Variants in RBFOX1 observed in about 807,000 individuals in gnomAD.
The protein encoded by RBFOX1 is RNA binding fox-1 homolog 1, also known as RNA binding protein fox-1 homolog 1.
In RBFOX1, 8 loss-of-function variants were observed where a neutral mutation model predicts 57.7. That is an observed-to-expected ratio of 0.14 (90% CI 0.08 to 0.25). The LOEUF is 0.25. RBFOX1 is among the 10% of genes least tolerant of loss of function. The pLI, the probability that RBFOX1 is intolerant of heterozygous loss-of-function variation, is 1.00. For synonymous variants in RBFOX1, 326 were observed against 222.4 expected (o/e 1.47, Z -4.15); for missense variants, 611 against 548.5 (o/e 1.11, Z -1.14).
rs1882584 is a variant in RBFOX1, at chr16:7,247,233, A to T, written c.27+195135A>T. ...TTGGTGAAGGAGAAGTGCAAGAGAA[A>T]CTTCTATTGTGCAAACGCCTTCAAG... is the stretch of plus-strand genomic sequence containing the variant. On this transcript the variant is annotated intron_variant, in intron 4 of 15. Transcript: ENST00000550418. Among the ~76,000 whole-genome samples the T allele has an allele frequency of 2.6e-3, 397 of 152,216 alleles. 4 individuals are homozygous for T. The highest frequency in any genetic ancestry group is 8.9e-3 in the African/African-American group (368 of 41,534).
At chr16:7,248,158 C>G (rs566773692) in intron 4 of RBFOX1, among the ~76,000 whole-genome samples, 5 of 152,262 alleles carry the variant, frequency 3.3e-5, no homozygotes, top group African/African-American at 1.2e-4. Flanking sequence ...CAGTTTTGAG[C>G]CTTGGTTTCT....
intron 1 of RBFOX1, among the ~76,000 whole-genome samples, chr16:6,062,162 G>A (rs550855682): frequency 1.3e-5 from 2 of 152,274 alleles, no homozygotes; most frequent in Admixed American, 1.3e-4. Context: ...GTCTCTGGGT[G>A]CATCACCTTC....
chr16:7,153,745 G>GGAAA (rs2076550563), intron 4 of RBFOX1, among the ~76,000 whole-genome samples: 1 of 129,840 alleles, frequency 7.7e-6, no homozygotes, highest in South Asian at 2.5e-4. Context: ...AAAAAAATAA[G>GGAAA]GAAAGAAAGA....
At chr16:7,523,644 C>G (rs931829334) in intron 5 of RBFOX1, among the ~76,000 whole-genome samples, 18 of 152,112 alleles carry the variant, frequency 1.2e-4, no homozygotes, top group Middle Eastern at 3.2e-3. Flanking sequence ...CCATTAGGGG[C>G]TGAAGCAGGT....
At chr16:7,412,075 T>C (rs543618089) in intron 4 of RBFOX1, among the ~76,000 whole-genome samples, 3 of 152,046 alleles carry the variant, frequency 2.0e-5, no homozygotes, top group South Asian at 4.1e-4. Context: ...CTGTAGTTAA[T>C]CGTGATGTAT....
chr16:6,072,919 C>T (rs1655303404), intron 1 of RBFOX1, among the ~76,000 whole-genome samples: 1 of 152,088 alleles, frequency 6.6e-6, no homozygotes, highest in African/African-American at 2.4e-5. Context: ...TATGCTTATG[C>T]CCAAGCTCAT....
intron 1 of RBFOX1, among the ~76,000 whole-genome samples, chr16:6,253,267 C>G (rs534279985): frequency 6.6e-6 from 1 of 152,172 alleles, no homozygotes; most frequent in Non-Finnish European, 1.5e-5. Flanking sequence ...TTTCACCTAA[C>G]AGATCTTTCC....
chr16:7,304,248 C>T lies in RBFOX1; in HGVS notation c.28-213899C>T, dbSNP rs980825473. ...AGAGAGAGAGAGAGAGAGAGAGAGA[C>T]AGCGCGAGCCACCGGTCATTGACTT... On this transcript the variant is annotated intron_variant, in intron 4 of 15. Transcript: ENST00000550418. The T allele has an allele frequency of 7.3e-6, 7 of 958,194 alleles. No individual in the cohort carries two copies. In the African/African-American group the frequency reaches 1.2e-4, roughly 17 times the overall value. The allele number at this position is 958,194 out of a possible 1,614,324, so 59.4% of individuals were successfully genotyped here.
At chr16:6,521,931 A>T (rs1747143103) in intron 2 of RBFOX1, among the ~76,000 whole-genome samples, 1 of 152,144 alleles carries the variant, frequency 6.6e-6, no homozygotes, top group African/African-American at 2.4e-5. Flanking sequence ...GGGAAGGGGA[A>T]TACTTCTTTT....
intron 1 of RBFOX1, among the ~76,000 whole-genome samples, chr16:6,161,870 A>C (rs1243137872): frequency 6.6e-6 from 1 of 152,212 alleles, no homozygotes; most frequent in Non-Finnish European, 1.5e-5. Context: ...ACAAACTTTG[A>C]GTAGGTTGAA....
chr16:7,109,138 G>A (rs981091221), intron 4 of RBFOX1, among the ~76,000 whole-genome samples: 1 of 152,070 alleles, frequency 6.6e-6, no homozygotes, highest in Non-Finnish European at 1.5e-5. Context: ...ATATTTCCAA[G>A]GTGAATGTAC....
intron 1 of RBFOX1, among the ~76,000 whole-genome samples, chr16:6,035,218 A>G (rs1304149705): frequency 6.6e-6 from 1 of 152,224 alleles, no homozygotes; most frequent in Non-Finnish European, 1.5e-5. Context: ...AGAGCAAAAT[A>G]TGCCGTGGGC....
At chr16:5,305,542 C>T (rs183368620) in intron 1 of RBFOX1, among the ~76,000 whole-genome samples, 5 of 152,244 alleles carry the variant, frequency 3.3e-5, no homozygotes, top group African/African-American at 1.2e-4. Context: ...CTTTCAGAAA[C>T]CTGCTGTTAG....
At chr16:5,914,283 G>A (rs368145199) in intron 4 of RBFOX1, among the ~76,000 whole-genome samples, 1 of 152,192 alleles carries the variant, frequency 6.6e-6, no homozygotes, top group African/African-American at 2.4e-5. Flanking sequence ...CTTAAAATAA[G>A]AAATTTTTAT....
At chr16:7,223,336 A>G (rs910427759) in intron 4 of RBFOX1, among the ~76,000 whole-genome samples, 1 of 152,222 alleles carries the variant, frequency 6.6e-6, no homozygotes, top group Non-Finnish European at 1.5e-5. Context: ...TGAGGATAGA[A>G]TTTGACAGTC....
At chr16:7,422,076 A>G (rs1381778243) in intron 4 of RBFOX1, among the ~76,000 whole-genome samples, 4 of 152,188 alleles carry the variant, frequency 2.6e-5, no homozygotes, top group Middle Eastern at 3.2e-3. Flanking sequence ...TGGGACTTAA[A>G]TAGACAAAGA....
intron 3 of RBFOX1, among the ~76,000 whole-genome samples, chr16:5,839,901 C>T (rs1051294541): frequency 6.6e-6 from 1 of 152,078 alleles, no homozygotes; most frequent in South Asian, 2.1e-4. Flanking sequence ...GTTGGTAACC[C>T]CTATGAGCAA....
chr16:7,688,734 T>A (rs2076675150), intron 14 of RBFOX1, among the ~76,000 whole-genome samples: 1 of 152,084 alleles, frequency 6.6e-6, no homozygotes, highest in Admixed American at 6.6e-5. Flanking sequence ...TCTTAAAAGA[T>A]TAGTCAGGCT....
chr16:6,644,132 A>G (rs1278156427), intron 2 of RBFOX1, among the ~76,000 whole-genome samples: 1 of 152,142 alleles, frequency 6.6e-6, no homozygotes, highest in African/African-American at 2.4e-5. Context: ...TCTCAATAAT[A>G]ATAGTGTAGG....
Sources: gnomAD v4.1 joint callset for allele counts (sites outside exome capture counted in the v4.1 genomes callset) on GRCh38, gnomAD v4.1.1 for gene constraint, MANE v1.5 for transcripts, NCBI Gene and HGNC (gene_info 2026-07-23, HGNC 2026-07-21) for gene names.